MBNL2: variants seen among roughly 807,000 people sequenced by gnomAD.
MBNL2 encodes the protein muscleblind like splicing regulator 2.
Under a neutral mutation model 41.9 loss-of-function variants are expected in MBNL2, and 17 were observed. That is an observed-to-expected ratio of 0.41 (90% CI 0.28 to 0.61). MBNL2 has a LOEUF of 0.61. Among genes scored for constraint, MBNL2 ranks in the 20% least tolerant of loss-of-function variants. MBNL2 has a pLI of 0.35. For synonymous variants in MBNL2, 195 were observed against 182.9 expected (o/e 1.07, Z -0.53); for missense variants, 336 against 505.6 (o/e 0.66, Z 3.22).
At chr13:97,351,219 G>A (rs1258686487) in intron 5 of MBNL2, among the ~76,000 whole-genome samples, 1 of 152,132 alleles carries the variant, frequency 6.6e-6, no homozygotes, top group Non-Finnish European at 1.5e-5. Flanking sequence ...TCAACTGTGG[G>A]CTTAAAACAT....
intron 2 of MBNL2, among the ~76,000 whole-genome samples, chr13:97,324,702 A>C (rs1386422038): frequency 6.6e-6 from 1 of 152,188 alleles, no homozygotes; most frequent in Non-Finnish European, 1.5e-5. Context: ...CCAAGTCCCA[A>C]AACCTCAAAA....
intron 1 of MBNL2, among the ~76,000 whole-genome samples, chr13:97,259,399 C>T (rs1342217265): frequency 2.6e-5 from 4 of 152,214 alleles, no homozygotes; most frequent in African/African-American, 7.2e-5. Flanking sequence ...GTCCTCTTCA[C>T]CCCTGCACCG....
intron 2 of MBNL2, among the ~76,000 whole-genome samples, chr13:97,299,354 T>C (rs567800728): frequency 6.6e-6 from 1 of 152,308 alleles, no homozygotes; most frequent in South Asian, 2.1e-4. Flanking sequence ...AGGGAGCTTA[T>C]ATTCCAGGGA....
chr13:97,374,874 A>G (rs1204335942), intron 8 of MBNL2, among the ~76,000 whole-genome samples: 1 of 152,148 alleles, frequency 6.6e-6, no homozygotes, highest in Non-Finnish European at 1.5e-5. Context: ...CCAGCTCTAG[A>G]TTTGTAAGGA....
At chr13:97,368,366 A>G (rs1239262616) in intron 8 of MBNL2, among the ~76,000 whole-genome samples, 1 of 149,704 alleles carries the variant, frequency 6.7e-6, no homozygotes, top group Admixed American at 6.7e-5. Flanking sequence ...GTGAGCCATG[A>G]TCATGCCACT....
intron 2 of MBNL2, among the ~76,000 whole-genome samples, chr13:97,328,256 C>A (rs1382226876): frequency 2.1e-5 from 3 of 146,188 alleles, no homozygotes; most frequent in Non-Finnish European, 4.5e-5. Context: ...AACTCCAGAG[C>A]AAGAGCCTTT....
At chr13:97,313,403 C>A (rs998083528) in intron 2 of MBNL2, among the ~76,000 whole-genome samples, 9 of 152,174 alleles carry the variant, frequency 5.9e-5, no homozygotes, top group African/African-American at 1.4e-4. Context: ...AACTTGAATT[C>A]TAATCAGCCA....
rs763382944 is a variant in MBNL2, at chr13:97,346,780, C to T, written c.541-24C>T. The T allele has an allele frequency of 8.7e-6, 14 of 1,609,360 alleles. No homozygotes were observed. In the Middle Eastern group the frequency reaches 4.9e-4, roughly 57 times the overall value. On this transcript the variant is annotated intron_variant, in intron 4 of 8. Transcript: ENST00000679496. This position sits in a 1 kb window ranked among gnomAD's most constrained non-coding sequence, Gnocchi z 4.2. Reference sequence around the variant, plus strand: ...CCTGGGCTCAGGCTTGCCTCTGCAGCGCGGCTCTTCTTCCCTGTCTTAGGT... The same window carrying T: ...CCTGGGCTCAGGCTTGCCTCTGCAGTGCGGCTCTTCTTCCCTGTCTTAGGT...
intron 1 of MBNL2, among the ~76,000 whole-genome samples, chr13:97,247,593 A>G (rs1298045852): frequency 1.3e-5 from 2 of 152,244 alleles, no homozygotes; most frequent in Admixed American, 6.5e-5. Context: ...GAATATTCCA[A>G]TGTAAAATGT....
chr13:97,204,814 C>T, the MBNL2 span, among the ~76,000 whole-genome samples: 1 of 152,104 alleles, frequency 6.6e-6, no homozygotes, highest in East Asian at 1.9e-4. Flanking sequence ...TGCGGTGGCT[C>T]AGGCCTGTAA....
Position 97,262,013 on chromosome 13 carries a change from C to T in MBNL2, c.-604-13619C>T, listed in dbSNP as rs148387104. On this transcript the variant is annotated intron_variant, in intron 1 of 8. Coordinates refer to ENST00000679496, the MANE Select transcript of MBNL2 (RefSeq NM_001382683.1). ...TCTCCTTCCATTAAAATGAAAGAAACGTGGGAAGGGTCAGGGGAGAAGCAG... is the reference window on the plus strand; with the variant it reads ...TCTCCTTCCATTAAAATGAAAGAAATGTGGGAAGGGTCAGGGGAGAAGCAG... Among the ~76,000 whole-genome samples, 177 of 152,304 alleles carry T rather than the reference C, an allele frequency of 1.2e-3. 1 individual carries two copies. The highest frequency in any genetic ancestry group is 3.4e-3 in the Middle Eastern group (1 of 294).
the MBNL2 span, among the ~76,000 whole-genome samples, chr13:97,151,938 A>G: frequency 6.6e-6 from 1 of 152,196 alleles, no homozygotes; most frequent in Non-Finnish European, 1.5e-5. Context: ...GCCCACCTAC[A>G]AAGATCTTCC....
At chr13:97,342,054 G>A (rs557551960) in intron 3 of MBNL2, among the ~76,000 whole-genome samples, 1 of 152,284 alleles carries the variant, frequency 6.6e-6, no homozygotes, top group African/African-American at 2.4e-5. Context: ...CAAATGAAAA[G>A]AAGCATTCAG....
At chr13:97,187,406 C>A in the MBNL2 span, among the ~76,000 whole-genome samples, 1 of 151,282 alleles carries the variant, frequency 6.6e-6, no homozygotes, top group African/African-American at 2.4e-5. Flanking sequence ...TTTGTCTGTG[C>A]CAGAGATGGG....
upstream of MBNL2, among the ~76,000 whole-genome samples, chr13:97,220,765 G>C (rs3809360): frequency 6.7e-3 from 1,024 of 152,302 alleles, 12 homozygotes; most frequent in East Asian, 0.02. Context: ...TTCATTGGTT[G>C]AGAATGGGGG....
the MBNL2 span, among the ~76,000 whole-genome samples, chr13:97,188,257 G>A: frequency 6.6e-6 from 1 of 152,164 alleles, no homozygotes; most frequent in South Asian, 2.1e-4. Flanking sequence ...GGGGGCTCGC[G>A]ATCCATGTTC....
At chr13:97,152,868 C>T in the MBNL2 span, among the ~76,000 whole-genome samples, 2 of 152,016 alleles carry the variant, frequency 1.3e-5, no homozygotes, top group African/African-American at 2.4e-5. Context: ...TACAGACAGG[C>T]ACCAAGGGAA....
intron 2 of MBNL2, among the ~76,000 whole-genome samples, chr13:97,283,957 C>A (rs528437029): frequency 6.6e-6 from 1 of 152,300 alleles, no homozygotes; most frequent in East Asian, 1.9e-4. Flanking sequence ...AGGGATGGCA[C>A]ATATGCACCA....
chr13:97,236,779 A>G (rs1333986953), intron 1 of MBNL2, among the ~76,000 whole-genome samples: 1 of 152,238 alleles, frequency 6.6e-6, no homozygotes, highest in Non-Finnish European at 1.5e-5. Context: ...AATGCTCCAA[A>G]TTAGAAACTT....
Sources: allele counts gnomAD v4.1 joint callset (sites outside exome capture counted in the v4.1 genomes callset), GRCh38; gene constraint gnomAD v4.1.1; non-coding constraint Gnocchi (gnomAD v3.1); transcripts MANE v1.5; gene names NCBI Gene and HGNC (gene_info 2026-07-23, HGNC 2026-07-21).